GALNTL5: variants seen among roughly 807,000 people sequenced by gnomAD.
The protein encoded by GALNTL5 is polypeptide N-acetylgalactosaminyltransferase like 5, also known as inactive polypeptide N-acetylgalactosaminyltransferase-like protein 5.
In GALNTL5, 44 loss-of-function variants were observed where a neutral mutation model predicts 51.0. That is an observed-to-expected ratio of 0.86 (90% CI 0.68 to 1.11). The LOEUF (loss-of-function observed/expected upper bound fraction) is 1.11, where lower values mean the gene tolerates loss of function less well. Among genes scored for constraint, GALNTL5 ranks in the 50% least tolerant of loss-of-function variants. The pLI is 0.00. For synonymous variants in GALNTL5, 192 were observed against 182.8 expected, an observed-to-expected ratio of 1.05 and a Z score of -0.41; for missense variants, 528 against 531.8, an observed-to-expected ratio of 0.99 and a Z score of 0.07.
intron 5 of GALNTL5, among the ~76,000 whole-genome samples, chr7:152,000,523 C>T (rs1434607118): frequency 2.0e-5 from 3 of 152,184 alleles, no homozygotes; most frequent in Non-Finnish European, 2.9e-5. Context: ...CCCTCCCACC[C>T]ATCATTCCCA....
intron 1 of GALNTL5, among the ~76,000 whole-genome samples, chr7:151,963,815 C>T (rs1486214754): frequency 2.0e-5 from 3 of 152,192 alleles, no homozygotes; most frequent in Non-Finnish European, 4.4e-5. Context: ...GTAGCACCTT[C>T]TTTGATCTCT....
intron 1 of GALNTL5, among the ~76,000 whole-genome samples, chr7:151,959,406 G>A (rs1334909975): frequency 6.6e-6 from 1 of 152,076 alleles, no homozygotes; most frequent in Non-Finnish European, 1.5e-5. Flanking sequence ...TCCCTAGTTA[G>A]AAGTTGCCTT....
intron 7 of GALNTL5, among the ~76,000 whole-genome samples, chr7:152,011,153 C>A (rs1218184355): frequency 1.3e-5 from 2 of 152,204 alleles, no homozygotes; most frequent in African/African-American, 4.8e-5. Flanking sequence ...GTCTACTCAA[C>A]TTCAGGTCTT....
At position 152,007,769 on chromosome 7, in the gene GALNTL5, G is replaced by C. The variant is rs891736311; in HGVS notation, c.909-58G>C. On this transcript the variant is annotated intron_variant, in intron 6 of 8. Coordinates refer to ENST00000392800, the MANE Select transcript of GALNTL5 (RefSeq NM_145292.4). Reference sequence around the variant, plus strand: ...ATTACTAATTTAATATAATTTTGAGGAAACTACAGAATGACTTTCTCTGTG... The same window carrying C: ...ATTACTAATTTAATATAATTTTGAGCAAACTACAGAATGACTTTCTCTGTG... The C allele has an allele frequency of 4.1e-6, 4 of 976,554 alleles. No homozygotes were observed. The African/African-American group carries it at 6.5e-5, about 16-fold the overall frequency. 60.5% of individuals were successfully genotyped at this position (976,554 alleles called of 1,614,324 possible).
chr7:151,997,709 A>G (rs2081517293), intron 5 of GALNTL5, among the ~76,000 whole-genome samples: 1 of 152,188 alleles, frequency 6.6e-6, no homozygotes, highest in African/African-American at 2.4e-5. Context: ...ATCTTTCAAT[A>G]TTAAGGGTAC....
In GALNTL5 at chr7:151,983,164, C is replaced by T. The variant is rs948649134; in HGVS notation, c.535+12C>T. On this transcript the variant is annotated intron_variant, in intron 4 of 8. Transcript: ENST00000392800. Reference sequence around the variant, plus strand: ...CATGAGCAAAGTTGGTAAGATAGAACACTCATTATCTCATCTACTTTGTTG... The same window carrying T: ...CATGAGCAAAGTTGGTAAGATAGAATACTCATTATCTCATCTACTTTGTTG... 1.9e-6 allele frequency: 3 copies of T among 1,595,774 alleles called. No homozygotes were observed. In the African/African-American group the frequency reaches 4.0e-5, roughly 21 times the overall value.
At chr7:151,997,349 G>A (rs866626403) in intron 5 of GALNTL5, among the ~76,000 whole-genome samples, 3 of 152,120 alleles carry the variant, frequency 2.0e-5, no homozygotes, top group African/African-American at 4.8e-5. Flanking sequence ...CGAAACTCTC[G>A]AAGGCAGCAG....
At position 152,019,837 on chromosome 7, in the gene GALNTL5, A is replaced by G. The variant is rs2081868515; in HGVS notation, c.*36A>G. The G allele has an allele frequency of 6.4e-7, 1 of 1,565,470 alleles. No individual in the cohort carries two copies. ...AATCACTTTCATTAATAAAGGGTTAAAAGTCTCCTAGTCATTCAACATAGT... is the reference window on the plus strand; with the variant it reads ...AATCACTTTCATTAATAAAGGGTTAGAAGTCTCCTAGTCATTCAACATAGT... On this transcript the variant is annotated 3_prime_UTR_variant, in exon 9 of 9. Coordinates refer to ENST00000392800, the MANE Select transcript of GALNTL5 (RefSeq NM_145292.4).
intron 5 of GALNTL5, among the ~76,000 whole-genome samples, chr7:152,001,242 C>G (rs1276271095): frequency 6.6e-6 from 1 of 150,750 alleles, no homozygotes; most frequent in South Asian, 2.1e-4. Flanking sequence ...TCGATTGTGT[C>G]TTTTAAGCAC....
intron 3 of GALNTL5, among the ~76,000 whole-genome samples, chr7:151,981,751 AT>A (rs2081294777): frequency 6.8e-6 from 1 of 146,076 alleles, no homozygotes; most frequent in Admixed American, 6.9e-5. Context: ...CAGGTTCAAA[AT>A]ATTCTCTGCC....
intron 1 of GALNTL5, among the ~76,000 whole-genome samples, 176 bp downstream of exon 1, chr7:151,956,785 G>A (rs2151934068): frequency 6.6e-6 from 1 of 152,216 alleles, no homozygotes; most frequent in African/African-American, 2.4e-5. Context: ...TAGCCTCCTA[G>A]CTGGTTACAC....
intron 3 of GALNTL5, among the ~76,000 whole-genome samples, chr7:151,975,101 A>G (rs1024229347): frequency 6.6e-6 from 1 of 152,132 alleles, no homozygotes; most frequent in Admixed American, 6.5e-5. Context: ...TCATAAAATG[A>G]GTTTGGAAGT....
chr7:152,003,661 T>G (rs2081609813), intron 6 of GALNTL5, among the ~76,000 whole-genome samples: 1 of 152,212 alleles, frequency 6.6e-6, no homozygotes, highest in African/African-American at 2.4e-5. Context: ...TGTACTTTAT[T>G]GTAATAAAAT....
intron 5 of GALNTL5, among the ~76,000 whole-genome samples, chr7:151,989,302 C>A (rs1459066478): frequency 6.6e-6 from 1 of 151,760 alleles, no homozygotes; most frequent in Non-Finnish European, 1.5e-5. Context: ...AGGTGGGCGC[C>A]ACCACACCCA....
rs562543332 is a variant in GALNTL5, at chr7:152,015,463, G to A, written c.1176+670G>A. On this transcript the variant is annotated intron_variant, in intron 8 of 8. Transcript: ENST00000392800. ...CAACCTCTGCCTCTCGGATTCAAGC[G>A]ATCCTCCTGCCTCAGCCTCTGGAGT... 9.3e-5 allele frequency among the ~76,000 whole-genome samples: 14 copies of A among 150,968 alleles called. No individual in the cohort carries two copies. In the South Asian group the frequency reaches 2.3e-3, roughly 25 times the overall value.
At chr7:151,966,983 C>T (rs2081068211) in intron 1 of GALNTL5, among the ~76,000 whole-genome samples, 1 of 152,106 alleles carries the variant, frequency 6.6e-6, no homozygotes, top group Non-Finnish European at 1.5e-5. Context: ...CTTGAAATGA[C>T]ACCGTATGTT....
intron 8 of GALNTL5, among the ~76,000 whole-genome samples, chr7:152,015,037 G>A (rs2081789045): frequency 6.6e-6 from 1 of 152,150 alleles, no homozygotes; most frequent in Non-Finnish European, 1.5e-5. Context: ...GTGGACTGTG[G>A]GAGGAGGGTG....
At chr7:151,973,801 G>T (rs1204762236) in intron 3 of GALNTL5, among the ~76,000 whole-genome samples, 1 of 151,942 alleles carries the variant, frequency 6.6e-6, no homozygotes, top group Non-Finnish European at 1.5e-5. Flanking sequence ...GAATGATATG[G>T]TTTGGCTGTG....
intron 4 of GALNTL5, 28 bp from the exon 5 acceptor site, chr7:151,987,131 C>G: frequency 6.4e-7 from 1 of 1,560,648 alleles, no homozygotes; most frequent in Non-Finnish European, 8.7e-7. Flanking sequence ...GCCGTTTATA[C>G]ATTCTCATGT....
Sources: gnomAD v4.1 joint callset for allele counts (sites outside exome capture counted in the v4.1 genomes callset) on GRCh38, gnomAD v4.1.1 for gene constraint, MANE v1.5 for transcripts, NCBI Gene and HGNC (gene_info 2026-07-23, HGNC 2026-07-21) for gene names.